DNAI3: variants seen among roughly 807,000 people sequenced by gnomAD.
DNAI3 encodes the protein dynein axonemal intermediate chain 3.
A neutral mutation model predicts 115.5 loss-of-function variants in DNAI3; 83 were observed. The ratio of observed to expected loss-of-function variants is 0.72; its 90% CI spans 0.60 to 0.86. The LOEUF is 0.86. DNAI3 is among the 40% of genes least tolerant of loss of function. The pLI is 0.00. For missense variants in DNAI3, 1,004 were observed against 1,075.8 expected, an observed-to-expected ratio of 0.93 and a Z score of 0.93; for synonymous variants, 320 against 347.0, an observed-to-expected ratio of 0.92 and a Z score of 0.86.
intron 14 of DNAI3, 85 bp from the exon 15 acceptor site, chr1:85,107,948 G>T: frequency 9.2e-6 from 9 of 980,116 alleles, no homozygotes; most frequent in Non-Finnish European, 1.3e-5. Context: ...TGGTCACAAT[G>T]CTAATATGTA....
intron 18 of DNAI3, among the ~76,000 whole-genome samples, chr1:85,123,668 T>A (rs1156965615): frequency 6.6e-6 from 1 of 152,220 alleles, no homozygotes; most frequent in African/African-American, 2.4e-5. Flanking sequence ...TATTTTTTCC[T>A]TCACAACACT....
chr1:85,092,872 T>C (rs930514876), intron 8 of DNAI3, among the ~76,000 whole-genome samples: 1 of 151,688 alleles, frequency 6.6e-6, no homozygotes, highest in Non-Finnish European at 1.5e-5. Flanking sequence ...TCAGAATCTC[T>C]TATTTGTTGT....
intron 3 of DNAI3, among the ~76,000 whole-genome samples, chr1:85,079,161 T>A (rs931741263): frequency 6.6e-6 from 1 of 152,222 alleles, no homozygotes; most frequent in African/African-American, 2.4e-5. Flanking sequence ...CATTCAACAC[T>A]ACAAATGCAG....
In DNAI3 at chr1:85,090,133, C is replaced by G. The variant is rs139516297; in HGVS notation, c.758C>G (p.Ala253Gly). 6.4e-7 allele frequency: 1 copy of G among 1,561,022 alleles called. No individual in the cohort carries two copies. The highest frequency in any genetic ancestry group is 1.4e-5 in the African/African-American group (1 of 72,686). ...TQTKWTYPKN[A>G]TTQYYPREFS... The stretch of plus-strand genomic sequence containing the variant: ...TATATTAGGACATATCCTAAAAATG[C>G]TACTACGCAATATTATCCAAGAGAA... Residue 253 changes from alanine to glycine, a missense_variant, in exon 8 of 23, where the codon GCT (alanine) becomes GGT (glycine). Around this residue, in one of 3 missense-constraint regions of DNAI3, gnomAD observed 550 missense variants for 568.1 expected, o/e 0.97. Coordinates refer to ENST00000294664, the MANE Select transcript of DNAI3 (RefSeq NM_145172.5).
chr1:85,082,497 G>T, intron 5 of DNAI3, 93 bp downstream of exon 5: 1 of 959,432 alleles, frequency 1.0e-6, no homozygotes, highest in South Asian at 1.4e-5. Flanking sequence ...CCAGGCTAGA[G>T]TGCAGTGGCA....
At chr1:85,115,343 T>C (rs997629033) in intron 16 of DNAI3, among the ~76,000 whole-genome samples, 1 of 152,178 alleles carries the variant, frequency 6.6e-6, no homozygotes, top group South Asian at 2.1e-4. Context: ...TTACTTAATC[T>C]CTCTAAGCCT....
intron 7 of DNAI3, among the ~76,000 whole-genome samples, chr1:85,086,264 G>C (rs1654798687): frequency 6.6e-6 from 1 of 152,164 alleles, no homozygotes; most frequent in South Asian, 2.1e-4. Context: ...ACTGGAGTGG[G>C]AAAATGAGTG....
intron 11 of DNAI3, among the ~76,000 whole-genome samples, chr1:85,097,057 T>G (rs1655146709): frequency 2.0e-5 from 3 of 152,130 alleles, no homozygotes; most frequent in Non-Finnish European, 2.9e-5. Context: ...CCTAATTTAG[T>G]GTTATATATC....
At chr1:85,077,842 T>A (rs1021106010) in intron 3 of DNAI3, among the ~76,000 whole-genome samples, 2 of 151,696 alleles carry the variant, frequency 1.3e-5, no homozygotes, top group Non-Finnish European at 2.9e-5. Flanking sequence ...TCAGCAAAGC[T>A]GTTTTTAAAA....
chr1:85,072,503 G>C (rs61769367), intron 2 of DNAI3, among the ~76,000 whole-genome samples: 75,809 of 151,254 alleles, frequency 0.5, 19,350 homozygotes, highest in Middle Eastern at 0.61. Context: ...TTAGCCAGGC[G>C]TGGTGGCACG....
chr1:85,102,884 T>G (rs1018386184), intron 13 of DNAI3, among the ~76,000 whole-genome samples: 2 of 152,196 alleles, frequency 1.3e-5, no homozygotes, highest in African/African-American at 4.8e-5. Flanking sequence ...TACTGTTATG[T>G]TTTTGGATTT....
At chr1:85,089,989 A>C (rs1417351) in intron 7 of DNAI3, 127 bp from the exon 8 acceptor site, 218,295 of 384,074 alleles carry the variant, frequency 0.57, 62,431 homozygotes, top group Non-Finnish European at 0.59. Context: ...AATTCAATGT[A>C]TATAATTTAA....
chr1:85,122,416 AC>A (rs1205904607), intron 18 of DNAI3, among the ~76,000 whole-genome samples: 1 of 152,206 alleles, frequency 6.6e-6, no homozygotes, highest in African/African-American at 2.4e-5. Flanking sequence ...AGTCAGGAAT[AC>A]AGGCACCCCA....
chr1:85,097,474 T>A, intron 11 of DNAI3, 95 bp from the exon 12 acceptor site: 1 of 1,134,542 alleles, frequency 8.8e-7, no homozygotes, highest in Non-Finnish European at 1.2e-6. Context: ...CTAAGGTGAT[T>A]GACTTATCAG....
chr1:85,093,886 C>T (rs891280971), intron 9 of DNAI3: 46 of 630,310 alleles, frequency 7.3e-5, no homozygotes, highest in Admixed American at 2.1e-5. Context: ...AAGCTCAACT[C>T]AGGGAAGTGA....
At chr1:85,124,041 A>G (rs1656060222) in intron 18 of DNAI3, 80 bp from the exon 19 acceptor site, 9 of 1,582,618 alleles carry the variant, frequency 5.7e-6, no homozygotes, top group African/African-American at 2.7e-5. Flanking sequence ...CTGTCTGTCC[A>G]TTGGAGGTCT....
chr1:85,090,519 C>A (rs981307523), intron 8 of DNAI3, among the ~76,000 whole-genome samples: 1 of 152,172 alleles, frequency 6.6e-6, no homozygotes, highest in African/African-American at 2.4e-5. Context: ...ACCATGGTTA[C>A]TTTTACGTAA....
chr1:85,097,239 T>C (rs1423521899), intron 11 of DNAI3, among the ~76,000 whole-genome samples: 2 of 152,286 alleles, frequency 1.3e-5, no homozygotes, highest in East Asian at 3.9e-4. Context: ...CCAAAGCAAC[T>C]GTCCCTACAA....
Position 85,133,114 on chromosome 1 carries a change from C to A in DNAI3, c.*116C>A. 1 of 1,215,570 alleles carries A rather than the reference C, an allele frequency of 8.2e-7. No individual in the cohort carries two copies. The highest frequency in any genetic ancestry group is 1.1e-6 in the Non-Finnish European group (1 of 922,622). The allele number at this position is 1,215,570 out of a possible 1,614,324, so 75.3% of individuals were successfully genotyped here. ...GGCTCATTTATAGACTTTTATTTCC[C>A]TGCTATTAAAACTTTTGAATTTTAG... On this transcript the variant is annotated 3_prime_UTR_variant, in exon 23 of 23. Transcript: ENST00000294664.
Sources: allele counts gnomAD v4.1 joint callset (sites outside exome capture counted in the v4.1 genomes callset), GRCh38; gene constraint gnomAD v4.1.1; regional missense constraint gnomAD v4.1.1; transcripts MANE v1.5; gene names NCBI Gene and HGNC (gene_info 2026-07-23, HGNC 2026-07-21).